FBRSL1: variants seen among roughly 807,000 people sequenced by gnomAD.
The protein encoded by FBRSL1 is fibrosin-1-like protein.
Under a neutral mutation model 89.6 loss-of-function variants are expected in FBRSL1, and 51 were observed. The observed-to-expected ratio is 0.57, with a 90% CI of 0.45 to 0.72. FBRSL1 has a LOEUF of 0.72. Ranked by LOEUF, FBRSL1 falls within the 30% of genes least tolerant of loss-of-function variation. FBRSL1 has a pLI of 0.00. For missense variants in FBRSL1, 1,618 were observed against 1,451.8 expected (o/e 1.11, Z -1.86); for synonymous variants, 779 against 681.1 (o/e 1.14, Z -2.24).
At chr12:132,512,389 G>A (rs1006560057) in intron 2 of FBRSL1, among the ~76,000 whole-genome samples, 6 of 152,254 alleles carry the variant, frequency 3.9e-5, no homozygotes, top group East Asian at 1.9e-4. Flanking sequence ...TTCTGCTCAC[G>A]GAAGGCCGGG....
chr12:132,579,996 G>A (rs1009963439), intron 15 of FBRSL1, among the ~76,000 whole-genome samples: 3 of 152,164 alleles, frequency 2.0e-5, no homozygotes, highest in Non-Finnish European at 2.9e-5. Flanking sequence ...CCTGAACTCC[G>A]CAGGCCCTGG....
chr12:132,579,984 C>T (rs1004156784), intron 15 of FBRSL1, among the ~76,000 whole-genome samples: 1 of 152,196 alleles, frequency 6.6e-6, no homozygotes, highest in Admixed American at 6.5e-5. Context: ...CCATCCGTCA[C>T]GCCTGAACTC....
At chr12:132,563,694 A>G (rs1270157853) in intron 5 of FBRSL1, among the ~76,000 whole-genome samples, 1 of 148,266 alleles carries the variant, frequency 6.7e-6, no homozygotes, top group African/African-American at 2.5e-5. Context: ...TTTTTGACAC[A>G]TACCTACGAC....
At chr12:132,494,722 A>G (rs1593220337) in intron 1 of FBRSL1, among the ~76,000 whole-genome samples, 1 of 152,224 alleles carries the variant, frequency 6.6e-6, no homozygotes. Context: ...GTCAAGCTCC[A>G]TAAGAAGGTG....
chr12:132,567,399 A>T, intron 5 of FBRSL1, 82 bp from the exon 6 acceptor site: 1 of 1,411,612 alleles, frequency 7.1e-7, no homozygotes, highest in Non-Finnish European at 9.8e-7. Context: ...AACCACCCAG[A>T]CTTGTGTGTG....
chr12:132,545,047 A>G (rs1163992993), intron 4 of FBRSL1, among the ~76,000 whole-genome samples: 1 of 151,400 alleles, frequency 6.6e-6, no homozygotes, highest in African/African-American at 2.5e-5. Flanking sequence ...AGACACAGAG[A>G]GCTCAGGGCC....
intron 2 of FBRSL1, among the ~76,000 whole-genome samples, chr12:132,520,747 G>A (rs2035282205): frequency 6.6e-6 from 1 of 152,222 alleles, no homozygotes; most frequent in Non-Finnish European, 1.5e-5. Flanking sequence ...AATGTGAGGG[G>A]CCCATAGTCA....
At chr12:132,572,230 G>GGGGCCCA in intron 9 of FBRSL1, 58 bp from the exon 10 acceptor site, 1 of 1,495,884 alleles carries the variant, frequency 6.7e-7, no homozygotes, top group African/African-American at 1.4e-5. Flanking sequence ...GGCGGGGCCC[G>GGGGCCCA]GGGCCCAGCA....
At position 132,566,559 on chromosome 12, in the gene FBRSL1, C is replaced by T. The variant is rs560373795; in HGVS notation, c.646-922C>T. ...CCCATCAGCGGCCACATTCTCGCCA[C>T]CTGCTTGTGGCAGGTGGTTGAGCGA... On this transcript the variant is annotated intron_variant, in intron 5 of 18. Transcript: ENST00000680143. 1.1e-3 allele frequency: 28 copies of T among 24,454 alleles called. No homozygotes were observed. In the African/African-American group the frequency reaches 0.013, roughly 11 times the overall value. 1.5% of individuals were successfully genotyped at this position (24,454 alleles called of 1,614,324 possible). A position where few individuals can be genotyped will look rare whatever the true frequency, so the allele number is the denominator to read the frequency against.
chr12:132,507,509 C>T, intron 1 of FBRSL1: 1 of 842,142 alleles, frequency 1.2e-6, no homozygotes, highest in Non-Finnish European at 1.4e-6. Flanking sequence ...AGAAGGTGCT[C>T]TGAAGGAGTC....
intron 2 of FBRSL1, among the ~76,000 whole-genome samples, chr12:132,512,939 T>G (rs1167120348): frequency 6.6e-6 from 1 of 152,182 alleles, no homozygotes; most frequent in Admixed American, 6.5e-5. Context: ...CTGTCTGCAC[T>G]GGCTTGCGGT....
intron 15 of FBRSL1, 165 bp from the exon 16 acceptor site, chr12:132,581,274 T>G: frequency 1.0e-6 from 1 of 985,346 alleles, no homozygotes. Flanking sequence ...TGGGGTAGAT[T>G]CCACCTCTTA....
chr12:132,570,922 C>A (rs1039053999), intron 8 of FBRSL1, 146 bp from the exon 9 acceptor site: 7 of 399,832 alleles, frequency 1.8e-5, no homozygotes, highest in African/African-American at 2.2e-5. Context: ...CCTCCCTCGG[C>A]CCCCAGGCGC....
At chr12:132,582,297 C>T in intron 18 of FBRSL1, 31 bp downstream of exon 18, 1 of 1,534,290 alleles carries the variant, frequency 6.5e-7, no homozygotes. Flanking sequence ...GTATCCCCAC[C>T]ACACACCCCT....
At chr12:132,535,729 C>T (rs760257098) in intron 4 of FBRSL1, among the ~76,000 whole-genome samples, 20 of 152,374 alleles carry the variant, frequency 1.3e-4, no homozygotes, top group Non-Finnish European at 2.8e-4. Context: ...GCAGGGCCAG[C>T]GGTTAGGAGT....
intron 15 of FBRSL1, among the ~76,000 whole-genome samples, chr12:132,578,473 G>A (rs369376051): frequency 9.2e-5 from 14 of 152,248 alleles, no homozygotes; most frequent in African/African-American, 3.4e-4. Flanking sequence ...AGGAGGGGCC[G>A]GTCTCGCTGT....
chr12:132,514,866 G>A (rs1375375460), intron 2 of FBRSL1, among the ~76,000 whole-genome samples: 1 of 152,196 alleles, frequency 6.6e-6, no homozygotes, highest in Non-Finnish European at 1.5e-5. Context: ...TTCACTCCAT[G>A]TACTTTGAAA....
At chr12:132,582,417 T>TCCCCCTC in intron 18 of FBRSL1, 151 bp downstream of exon 18, 1 of 571,528 alleles carries the variant, frequency 1.7e-6, no homozygotes, top group Non-Finnish European at 3.2e-6. Flanking sequence ...CCTTCCCCGT[T>TCCCCCTC]CCCCCTCCCC....
intron 1 of FBRSL1, among the ~76,000 whole-genome samples, chr12:132,505,754 C>T (rs2136520727): frequency 6.6e-6 from 1 of 152,338 alleles, no homozygotes. Flanking sequence ...CTGAAACCTG[C>T]CAGGCGAAGC....
Sources: allele counts gnomAD v4.1 joint callset (sites outside exome capture counted in the v4.1 genomes callset), GRCh38; gene constraint gnomAD v4.1.1; transcripts MANE v1.5; gene names NCBI Gene and HGNC (gene_info 2026-07-23, HGNC 2026-07-21).